Variants in SH3PXD2A observed in about 807,000 individuals in gnomAD.
The protein encoded by SH3PXD2A is SH3 and PX domain-containing protein 2A.
In SH3PXD2A, 32 loss-of-function variants were observed where a neutral mutation model predicts 115.2. That is an observed-to-expected ratio of 0.28 (90% CI 0.21 to 0.37). The LOEUF is 0.37. Ranked by LOEUF, SH3PXD2A falls within the 10% of genes least tolerant of loss-of-function variation. The pLI is 1.00. For synonymous variants in SH3PXD2A, 610 were observed against 629.1 expected, an observed-to-expected ratio of 0.97 and a Z score of 0.45; for missense variants, 1,328 against 1,498.7, an observed-to-expected ratio of 0.89 and a Z score of 1.88.
At chr10:103,764,376 A>G (rs1369722064) in intron 3 of SH3PXD2A, among the ~76,000 whole-genome samples, 1 of 152,154 alleles carries the variant, frequency 6.6e-6, no homozygotes, top group Non-Finnish European at 1.5e-5. Flanking sequence ...CTGGAGAGTG[A>G]GTGAGCTGAA....
intron 9 of SH3PXD2A, among the ~76,000 whole-genome samples, chr10:103,625,466 C>A (rs2036677572): frequency 1.3e-5 from 2 of 152,254 alleles, no homozygotes; most frequent in African/African-American, 4.8e-5. Flanking sequence ...GTTGCCACAG[C>A]TGGAAGGATG....
chr10:103,608,166 A>AAGTTTAC (rs2036360819), intron 13 of SH3PXD2A, among the ~76,000 whole-genome samples: 6 of 146,156 alleles, frequency 4.1e-5, no homozygotes, highest in Non-Finnish European at 7.5e-5. Context: ...AAAAAAAAAA[A>AAGTTTAC]AAAAGAACAC....
intron 5 of SH3PXD2A, among the ~76,000 whole-genome samples, chr10:103,698,312 G>A (rs2037850258): frequency 6.6e-6 from 1 of 152,174 alleles, no homozygotes; most frequent in Non-Finnish European, 1.5e-5. Flanking sequence ...ACCCTCCACT[G>A]CCCGCCACAC....
chr10:103,638,093 C>T (rs1313230939), intron 8 of SH3PXD2A, among the ~76,000 whole-genome samples: 1 of 152,212 alleles, frequency 6.6e-6, no homozygotes, highest in East Asian at 1.9e-4. Flanking sequence ...AGAAACTCCT[C>T]CAGTCCCTCC....
At chr10:103,820,734 G>C (rs896656136) in intron 1 of SH3PXD2A, among the ~76,000 whole-genome samples, 1 of 152,070 alleles carries the variant, frequency 6.6e-6, no homozygotes, top group Non-Finnish European at 1.5e-5. Context: ...GATAAGGGGC[G>C]GGGGGGTTGG....
intron 13 of SH3PXD2A, among the ~76,000 whole-genome samples, chr10:103,611,157 C>T (rs1414075942): frequency 6.6e-6 from 1 of 152,216 alleles, no homozygotes; most frequent in Non-Finnish European, 1.5e-5. Flanking sequence ...ACTGATCTGC[C>T]CTCTGCCCTC....
chr10:103,602,013 T>C lies in SH3PXD2A; in HGVS notation c.3205A>G (p.Ile1069Val), dbSNP rs375843443. 6.2e-6 allele frequency: 10 copies of C among 1,613,752 alleles called. No homozygotes were observed. In the South Asian group the frequency reaches 1.1e-4, roughly 18 times the overall value. The change falls in exon 15 of 15, where the codon ATC becomes GTC. Residue 1069 changes from isoleucine (I) to valine (V), a missense_variant. Physicochemically the swap from Ile to Val is conservative, Grantham distance 29 (BLOSUM62 3). Around this residue, in one of 5 missense-constraint regions of SH3PXD2A, gnomAD observed 574 missense variants for 565.7 expected, o/e 1.01. Coordinates refer to ENST00000369774, the MANE Select transcript of SH3PXD2A (RefSeq NM_001394015.1). The stretch of plus-strand genomic sequence containing the variant: ...TACACATCTTTGAGGTTATTGTGGA[T>C]GAACTGAGACTTCTCGATGGGCTTG... ...RPKPIEKSQF[I>V]HNNLKDVYVS...
At chr10:103,702,533 G>A (rs2037927480) in intron 5 of SH3PXD2A, among the ~76,000 whole-genome samples, 1 of 152,108 alleles carries the variant, frequency 6.6e-6, no homozygotes, top group South Asian at 2.1e-4. Flanking sequence ...AGGAGATTTG[G>A]GGTGGAAGGG....
In SH3PXD2A at chr10:103,714,745, T is replaced by A. The variant is rs183474824; in HGVS notation, c.398+9525A>T. Among the ~76,000 whole-genome samples the A allele has an allele frequency of 4.7e-4, 72 of 152,298 alleles. No individual in the cohort carries two copies. In the East Asian group the frequency reaches 0.011, roughly 22 times the overall value. ...CTCCTGCCCATCAACATAAAGAGGC[T>A]ATTTGTGCAGCAGCCAGTGGCAGGG... On this transcript the variant is annotated intron_variant, in intron 5 of 14. Coordinates refer to ENST00000369774, the MANE Select transcript of SH3PXD2A (RefSeq NM_001394015.1).
Position 103,834,352 on chromosome 10 carries a change from T to C in SH3PXD2A, c.72+20843A>G, listed in dbSNP as rs913360598. Among the ~76,000 whole-genome samples, 5 of 152,302 alleles carry C rather than the reference T, an allele frequency of 3.3e-5. No individual in the cohort carries two copies. In the South Asian group the frequency reaches 6.2e-4, roughly 19 times the overall value. On this transcript the variant is annotated intron_variant, in intron 1 of 14. Transcript: ENST00000369774. ...CAGTCACAAGAGACCAGGTAGTGTA[T>C]GACTCCATTATATGAAATGTCCAGA... is the stretch of plus-strand genomic sequence containing the variant.
chr10:103,637,784 G>A (rs1253739850), intron 8 of SH3PXD2A, among the ~76,000 whole-genome samples: 1 of 152,148 alleles, frequency 6.6e-6, no homozygotes, highest in Non-Finnish European at 1.5e-5. Flanking sequence ...CTGGCCAGGC[G>A]CATGGCACCA....
intron 1 of SH3PXD2A, among the ~76,000 whole-genome samples, chr10:103,819,114 T>C (rs188367472): frequency 8.5e-5 from 13 of 152,286 alleles, no homozygotes; most frequent in African/African-American, 2.9e-4. Context: ...TCAAGAAGGA[T>C]TGGGCGCTTA....
chr10:103,703,150 C>T (rs918885587), intron 5 of SH3PXD2A, among the ~76,000 whole-genome samples: 4 of 152,200 alleles, frequency 2.6e-5, no homozygotes, highest in African/African-American at 7.2e-5. Context: ...CTGCCTTGGC[C>T]TCTGTGGGAA....
chr10:103,653,027 C>T (rs2037152831), intron 8 of SH3PXD2A, among the ~76,000 whole-genome samples: 1 of 152,220 alleles, frequency 6.6e-6, no homozygotes, highest in Non-Finnish European at 1.5e-5. Flanking sequence ...GCTTTAACAA[C>T]ACCTCAGTGG....
At chr10:103,825,531 T>G (rs1258274750) in intron 1 of SH3PXD2A, among the ~76,000 whole-genome samples, 1 of 152,220 alleles carries the variant, frequency 6.6e-6, no homozygotes, top group Non-Finnish European at 1.5e-5. Flanking sequence ...TTACATCTGT[T>G]CAGTTCTAAG....
At chr10:103,711,780 C>A (rs996130821) in intron 5 of SH3PXD2A, among the ~76,000 whole-genome samples, 1 of 152,204 alleles carries the variant, frequency 6.6e-6, no homozygotes, top group Non-Finnish European at 1.5e-5. Flanking sequence ...GGTGGCCAGG[C>A]ATGGCAGCTC....
At position 103,594,741 on chromosome 10, in the gene SH3PXD2A, G is replaced by C. The variant is rs2036110129; in HGVS notation, c.*7075C>G. The C allele has an allele frequency of 1.3e-5, 2 of 152,176 alleles. No individual in the cohort carries two copies. Among genetic ancestry groups the C allele is most frequent in the African/African-American group, 4.8e-5 (2 of 41,430 alleles). 9.4% of individuals were successfully genotyped at this position (152,176 alleles called of 1,614,324 possible). ...AAACTCTTATGGGGAGTGTGCCTTG[G>C]TTATAAGGCAACGCAAAATGGTAGG... On this transcript the variant is annotated 3_prime_UTR_variant, in exon 15 of 15. Transcript: ENST00000369774.
At chr10:103,768,859 C>G (rs2038786282) in intron 2 of SH3PXD2A, among the ~76,000 whole-genome samples, 1 of 152,114 alleles carries the variant, frequency 6.6e-6, no homozygotes, top group Non-Finnish European at 1.5e-5. Context: ...GGTGAAGCCT[C>G]AGGCTGCTTC....
intron 7 of SH3PXD2A, among the ~76,000 whole-genome samples, chr10:103,668,144 G>C (rs1314905826): frequency 1.3e-5 from 2 of 152,260 alleles, no homozygotes; most frequent in Admixed American, 6.5e-5. Context: ...CTCTGCCTCA[G>C]TTTACCTGCC....
Sources: gnomAD v4.1 joint callset for allele counts (sites outside exome capture counted in the v4.1 genomes callset) on GRCh38, gnomAD v4.1.1 for gene constraint, gnomAD v4.1.1 regional missense constraint, MANE v1.5 for transcripts, NCBI Gene and HGNC (gene_info 2026-07-23, HGNC 2026-07-21) for gene names.